Variants in TRAPPC9 observed in about 807,000 individuals in gnomAD.
TRAPPC9 encodes trafficking protein particle complex subunit 9, also known as IKK2 binding protein.
In TRAPPC9, 83 loss-of-function variants were observed where a neutral mutation model predicts 124.0. The ratio of observed to expected loss-of-function variants is 0.67; its 90% CI spans 0.56 to 0.80. The LOEUF (loss-of-function observed/expected upper bound fraction) is 0.80, where lower values mean the gene tolerates loss of function less well. Among genes scored for constraint, TRAPPC9 ranks in the 30% least tolerant of loss-of-function variants. TRAPPC9 has a pLI of 0.00. For synonymous variants in TRAPPC9, 638 were observed against 617.5 expected (o/e 1.03, Z -0.49); for missense variants, 1,302 against 1,508.3 (o/e 0.86, Z 2.27).
chr8:139,963,749 C>CAAAAAAAA (rs58224556), intron 19 of TRAPPC9, among the ~76,000 whole-genome samples: 4 of 107,354 alleles, frequency 3.7e-5, no homozygotes, highest in African/African-American at 1.2e-4. Context: ...CCAGTTCTAC[C>CAAAAAAAA]AAAAAAAAAA....
intron 15 of TRAPPC9, among the ~76,000 whole-genome samples, chr8:140,262,374 C>T (rs1220205351): frequency 1.3e-5 from 2 of 150,792 alleles, no homozygotes; most frequent in Non-Finnish European, 2.9e-5. Context: ...GCTCCCGAGG[C>T]GTTGAACATG....
chr8:139,917,941 G>A (rs182571063), intron 19 of TRAPPC9, among the ~76,000 whole-genome samples: 11 of 152,358 alleles, frequency 7.2e-5, no homozygotes, highest in Middle Eastern at 3.4e-3. Context: ...TTAGGGGACT[G>A]AGAGCTCTGC....
At chr8:140,337,353 C>T (rs1290383608) in intron 9 of TRAPPC9, among the ~76,000 whole-genome samples, 1 of 152,200 alleles carries the variant, frequency 6.6e-6, no homozygotes, top group Non-Finnish European at 1.5e-5. Flanking sequence ...CAGGCAAAGG[C>T]TGGTCACTGT....
At chr8:139,802,941 G>C (rs1823645930) in intron 21 of TRAPPC9, among the ~76,000 whole-genome samples, 1 of 152,072 alleles carries the variant, frequency 6.6e-6, no homozygotes, top group Admixed American at 6.6e-5. Flanking sequence ...ATGTGTGAAT[G>C]TGTATGTGAA....
intron 17 of TRAPPC9, among the ~76,000 whole-genome samples, chr8:140,197,407 G>A (rs2062695127): frequency 6.6e-6 from 1 of 152,192 alleles, no homozygotes; most frequent in Non-Finnish European, 1.5e-5. Context: ...TCACTTTGCA[G>A]ATGAGAGCCG....
chr8:140,458,492 G>A (rs749255728), upstream of TRAPPC9: 3 of 1,576,810 alleles, frequency 1.9e-6, no homozygotes, highest in Non-Finnish European at 2.6e-6. Context: ...CGGGAGGCAC[G>A]TGAGGTGCGA....
intron 19 of TRAPPC9, among the ~76,000 whole-genome samples, chr8:139,950,213 T>C (rs1253583410): frequency 1.3e-5 from 2 of 152,236 alleles, no homozygotes; most frequent in Non-Finnish European, 2.9e-5. Context: ...TCCTCGTCTA[T>C]GGAATGAAGG....
intron 17 of TRAPPC9, among the ~76,000 whole-genome samples, chr8:140,103,597 GAAAA>G (rs1183286026): frequency 6.6e-6 from 1 of 152,196 alleles, no homozygotes; most frequent in Admixed American, 6.5e-5. Context: ...TGCTGCTGTT[GAAAA>G]GTCCTGATGT....
intron 17 of TRAPPC9, among the ~76,000 whole-genome samples, chr8:140,101,699 C>T (rs1172601320): frequency 2.0e-5 from 3 of 151,172 alleles, no homozygotes; most frequent in Non-Finnish European, 4.4e-5. Context: ...TGCACCACCA[C>T]ATCCAGCAAA....
chr8:140,077,619 T>A (rs1843583531), intron 17 of TRAPPC9, among the ~76,000 whole-genome samples: 1 of 151,988 alleles, frequency 6.6e-6, no homozygotes, highest in Admixed American at 6.6e-5. Context: ...CAAGGCCAAG[T>A]GGCTGGTCGA....
chr8:140,379,442 T>C (rs953272093), intron 7 of TRAPPC9, among the ~76,000 whole-genome samples: 10 of 152,222 alleles, frequency 6.6e-5, no homozygotes, highest in African/African-American at 2.4e-4. Flanking sequence ...TTGGTGTTTC[T>C]TCAGGTGGGC....
intron 21 of TRAPPC9, among the ~76,000 whole-genome samples, chr8:139,780,634 T>C (rs1262885630): frequency 6.6e-6 from 1 of 152,100 alleles, no homozygotes; most frequent in Non-Finnish European, 1.5e-5. Flanking sequence ...CCATTTTACA[T>C]ACAACACCAA....
intron 19 of TRAPPC9, among the ~76,000 whole-genome samples, chr8:139,925,935 C>A (rs1832793793): frequency 6.6e-6 from 1 of 152,180 alleles, no homozygotes; most frequent in Admixed American, 6.5e-5. Flanking sequence ...ACACGTGTCT[C>A]AGCCTGACTC....
chr8:139,912,568 C>T (rs560000142), intron 19 of TRAPPC9, among the ~76,000 whole-genome samples: 11 of 152,290 alleles, frequency 7.2e-5, no homozygotes, highest in African/African-American at 2.2e-4. Flanking sequence ...GCTCAGAGGC[C>T]GAGTCTTCCA....
intron 21 of TRAPPC9, among the ~76,000 whole-genome samples, chr8:139,791,254 C>T (rs1266960103): frequency 5.3e-5 from 8 of 152,172 alleles, no homozygotes; most frequent in African/African-American, 1.2e-4. Flanking sequence ...CACTCTAACA[C>T]GCAGACTCAC....
At chr8:140,323,081 A>G (rs1446641457) in intron 9 of TRAPPC9, among the ~76,000 whole-genome samples, 1 of 152,172 alleles carries the variant, frequency 6.6e-6, no homozygotes, top group African/African-American at 2.4e-5. Context: ...GACGGGAGAG[A>G]GACTGAAAGT....
intron 9 of TRAPPC9, among the ~76,000 whole-genome samples, chr8:140,332,898 G>A (rs1304493372): frequency 1.3e-5 from 2 of 152,184 alleles, no homozygotes; most frequent in Admixed American, 6.5e-5. Flanking sequence ...AACTTTGGGA[G>A]GCCAGGTGGG....
At position 140,249,948 on chromosome 8, in the gene TRAPPC9, G is replaced by A. The variant is rs191169137; in HGVS notation, c.2431+2829C>T. Among the ~76,000 whole-genome samples, 414 of 152,190 alleles carry A rather than the reference G, an allele frequency of 2.7e-3. 2 individuals are homozygous for A. The highest frequency in any genetic ancestry group is 9.5e-3 in the African/African-American group (394 of 41,528). ...AAATGCTTCTGCATTTATTTCCTAA[G>A]AACAAGAATTTTCTGCTACAATTTC... On this transcript the variant is annotated intron_variant, in intron 16 of 22. Transcript: ENST00000438773.
intron 4 of TRAPPC9, among the ~76,000 whole-genome samples, chr8:140,432,850 C>T (rs1462891015): frequency 6.7e-6 from 1 of 149,978 alleles, no homozygotes; most frequent in Non-Finnish European, 1.5e-5. Context: ...CCAGCCTGGG[C>T]AACAGAGCAA....
Sources: allele counts gnomAD v4.1 joint callset (sites outside exome capture counted in the v4.1 genomes callset), GRCh38; gene constraint gnomAD v4.1.1; transcripts MANE v1.5; gene names NCBI Gene and HGNC (gene_info 2026-07-23, HGNC 2026-07-21).